IL12RB2: variants seen among roughly 807,000 people sequenced by gnomAD.
IL12RB2 encodes interleukin-12 receptor subunit beta-2.
A neutral mutation model predicts 89.4 loss-of-function variants in IL12RB2; 82 were observed. That is an observed-to-expected ratio of 0.92 (90% CI 0.77 to 1.10). IL12RB2 has a LOEUF of 1.10. IL12RB2 is among the 50% of genes least tolerant of loss of function. IL12RB2 has a pLI of 0.00. For missense variants in IL12RB2, 963 were observed against 1,031.9 expected, an observed-to-expected ratio of 0.93 and a Z score of 0.92; for synonymous variants, 368 against 370.1, an observed-to-expected ratio of 0.99 and a Z score of 0.07.
chr1:67,310,566 C>T (rs1245300199), intron 1 of IL12RB2, among the ~76,000 whole-genome samples: 1 of 152,202 alleles, frequency 6.6e-6, no homozygotes, highest in Non-Finnish European at 1.5e-5. Flanking sequence ...GGCCATCTAA[C>T]TTAATTCTCG....
chr1:67,382,420 T>C (rs1664700756), intron 14 of IL12RB2, among the ~76,000 whole-genome samples: 3 of 152,206 alleles, frequency 2.0e-5, no homozygotes, highest in Admixed American at 2.0e-4. Flanking sequence ...CTGCAGATGC[T>C]GGCATTACTT....
chr1:67,316,453 T>TGTGTGTGTGTGTGTGTGTG (rs397980413), intron 2 of IL12RB2, among the ~76,000 whole-genome samples: 5 of 150,938 alleles, frequency 3.3e-5, no homozygotes, highest in Admixed American at 6.6e-5. Flanking sequence ...TGTGTGTGTG[T>TGTGTGTGTGTGTGTGTGTG]TAATGTCACT....
chr1:67,368,143 C>CTGAT, intron 11 of IL12RB2, 118 bp downstream of exon 11: 1 of 725,010 alleles, frequency 1.4e-6, no homozygotes, highest in Non-Finnish European at 2.5e-6. Context: ...ATGAGAGAGA[C>CTGAT]TGATGACCTA....
intron 10 of IL12RB2, among the ~76,000 whole-genome samples, chr1:67,366,324 G>A (rs1049980700): frequency 4.6e-5 from 7 of 151,822 alleles, no homozygotes; most frequent in East Asian, 1.9e-4. Context: ...GGTGGCAGAC[G>A]CCTGTAGTCC....
At chr1:67,383,896 C>CAAG (rs1251713664) in intron 14 of IL12RB2, among the ~76,000 whole-genome samples, 5 of 152,256 alleles carry the variant, frequency 3.3e-5, no homozygotes, top group Non-Finnish European at 4.4e-5. Context: ...CATGCTGATG[C>CAAG]AAGAGGTGGG....
intron 10 of IL12RB2, among the ~76,000 whole-genome samples, chr1:67,354,503 A>G (rs962100652): frequency 6.6e-6 from 1 of 152,188 alleles, no homozygotes; most frequent in Non-Finnish European, 1.5e-5. Flanking sequence ...AGGTTGATGC[A>G]GAGATCACGT....
At chr1:67,325,492 C>G (rs559876951) in intron 4 of IL12RB2, among the ~76,000 whole-genome samples, 2 of 152,228 alleles carry the variant, frequency 1.3e-5, no homozygotes, top group Admixed American at 6.5e-5. Flanking sequence ...AAACTCCTAA[C>G]TTCAAGTGAT....
chr1:67,390,516 A>C (rs1665700243), intron 16 of IL12RB2, among the ~76,000 whole-genome samples: 1 of 150,070 alleles, frequency 6.7e-6, no homozygotes, highest in Non-Finnish European at 1.5e-5. Context: ...AGTCATCCAA[A>C]ATTCAAGAGA....
intron 8 of IL12RB2, 143 bp from the exon 9 acceptor site, chr1:67,338,481 G>GA (rs1659129804): frequency 1.7e-6 from 1 of 595,482 alleles, no homozygotes; most frequent in African/African-American, 1.9e-5. Flanking sequence ...TGTTAAACAA[G>GA]AAAAAGAAAA....
At position 67,372,527 on chromosome 1, in the gene IL12RB2, G is replaced by T; in HGVS notation, c.1551G>T (p.Lys517Asn). 6.2e-7 allele frequency: 1 copy of T among 1,602,826 alleles called. No homozygotes were observed. The highest frequency in any genetic ancestry group is 8.5e-7 in the Non-Finnish European group (1 of 1,169,718). The change falls in exon 12 of 17, where the codon AAG (lysine) becomes AAT (asparagine). Residue 517 changes from lysine to asparagine, a missense_variant. Lys to Asn is a moderately conservative substitution (Grantham distance 94, BLOSUM62 0). Transcript: ENST00000674203. ...GCAGCTCCATCCTGGGTAACTCTAA[G>T]CACAAAGGTGAGTCTTGGGATCTTT... ...GGCSSILGNS[K>N]HKAPLSGPHI...
intron 8 of IL12RB2, among the ~76,000 whole-genome samples, chr1:67,334,004 C>T (rs1658439690): frequency 6.6e-6 from 1 of 152,152 alleles, no homozygotes; most frequent in South Asian, 2.1e-4. Context: ...GTTGCATGTT[C>T]ATTCGTACTT....
chr1:67,376,913 G>A lies in IL12RB2; in HGVS notation c.1718-3073G>A, dbSNP rs142226583. ...TAAAATTAATTTTTTAATCCCCTGT[G>A]TTAGGAATAGAGAAAGGGCTTTTTG... On this transcript the variant is annotated intron_variant, in intron 13 of 16. Transcript: ENST00000674203. 3.8e-3 allele frequency among the ~76,000 whole-genome samples: 572 copies of A among 152,282 alleles called. 3 individuals carry two copies. Among genetic ancestry groups the A allele is most frequent in the African/African-American group, 0.013 (554 of 41,552 alleles).
At position 67,398,124 on chromosome 1, in the gene IL12RB2, T is replaced by C. The variant is rs1191240599; in HGVS notation, c.*2035T>C. Among the ~76,000 whole-genome samples the C allele has an allele frequency of 6.6e-6, 1 of 152,158 alleles. No individual in the cohort carries two copies. The highest frequency in any genetic ancestry group is 1.5e-5 in the Non-Finnish European group (1 of 68,028). On this transcript the variant is annotated 3_prime_UTR_variant, in exon 17 of 17. Transcript: ENST00000674203. ...TCTATTCCACTCTATTTAGCTATTA[T>C]TGTGCGGCACCCCCAATGGTTCCTT...
At chr1:67,326,881 T>C in intron 5 of IL12RB2, 32 bp downstream of exon 5, 1 of 1,381,476 alleles carries the variant, frequency 7.2e-7, no homozygotes, top group Non-Finnish European at 9.5e-7. Context: ...TGCAGCTGTT[T>C]TGTAGATCTT....
chr1:67,367,779 CCCT>C (rs1392407788), intron 10 of IL12RB2, 43 bp from the exon 11 acceptor site: 7 of 1,034,096 alleles, frequency 6.8e-6, no homozygotes, highest in Non-Finnish European at 9.2e-6. Context: ...AAATCTTTAT[CCCT>C]CCTCTTTTTT....
chr1:67,308,137 T>C (rs181909542), intron 1 of IL12RB2, among the ~76,000 whole-genome samples, 170 bp downstream of exon 1: 36 of 152,100 alleles, frequency 2.4e-4, no homozygotes, highest in Admixed American at 6.6e-4. Flanking sequence ...AGTCTTCCAA[T>C]ACGATCCGAA....
chr1:67,371,998 T>C (rs1387225735), intron 11 of IL12RB2, among the ~76,000 whole-genome samples: 1 of 152,170 alleles, frequency 6.6e-6, no homozygotes, highest in Non-Finnish European at 1.5e-5. Context: ...AATGCTTTAT[T>C]TGTAGGAATC....
chr1:67,341,529 G>GAGAAAGAAAGAAAGAAAGAA (rs200463047), intron 9 of IL12RB2, among the ~76,000 whole-genome samples: 14 of 110,690 alleles, frequency 1.3e-4, no homozygotes, highest in African/African-American at 3.2e-4. Context: ...AAAAAAGAAA[G>GAGAAAGAAAGAAAGAAAGAA]AGAAAGAAAG....
At chr1:67,318,104 G>A (rs907444764) in intron 2 of IL12RB2, among the ~76,000 whole-genome samples, 14 of 152,188 alleles carry the variant, frequency 9.2e-5, no homozygotes, top group African/African-American at 3.4e-4. Context: ...AAGGGAAGAG[G>A]ATTCTAGCAG....
Sources: allele counts gnomAD v4.1 joint callset (sites outside exome capture counted in the v4.1 genomes callset), GRCh38; gene constraint gnomAD v4.1.1; transcripts MANE v1.5; gene names NCBI Gene and HGNC (gene_info 2026-07-23, HGNC 2026-07-21).